Variants in DAPK2 observed in about 807,000 individuals in gnomAD.
DAPK2 encodes death associated protein kinase 2, also known as death-associated protein kinase 2.
Under a neutral mutation model 44.1 loss-of-function variants are expected in DAPK2, and 35 were observed. The ratio of observed to expected loss-of-function variants is 0.79; its 90% CI spans 0.61 to 1.05. The LOEUF is 1.05. DAPK2 is among the 50% of genes least tolerant of loss of function. DAPK2 has a pLI of 0.00. For synonymous variants in DAPK2, 174 were observed against 182.6 expected, an observed-to-expected ratio of 0.95 and a Z score of 0.38; for missense variants, 453 against 483.2, an observed-to-expected ratio of 0.94 and a Z score of 0.59.
intron 1 of DAPK2, among the ~76,000 whole-genome samples, chr15:64,030,265 G>A (rs2079974117): frequency 6.6e-6 from 1 of 152,156 alleles, no homozygotes; most frequent in South Asian, 2.1e-4. Context: ...TCCAGCCTGG[G>A]CAACAGAGCA....
Position 64,013,384 on chromosome 15 carries a change from T to C in DAPK2, c.92+26786A>G, listed in dbSNP as rs1162664695. On this transcript the variant is annotated intron_variant, in intron 1 of 10. Transcript: ENST00000261891. The surrounding 1 kb of genome is among the most constrained non-coding windows in gnomAD (Gnocchi z 4.7). ...TGGGCAGTCTTAAGAGGCCAGGAAC[T>C]AACAGCTTAAACTACACTACGTGCC... 6.6e-6 allele frequency among the ~76,000 whole-genome samples: 1 copy of C among 152,242 alleles called. No individual in the cohort carries two copies.
intron 1 of DAPK2, among the ~76,000 whole-genome samples, chr15:64,005,871 A>G (rs2079213392): frequency 6.6e-6 from 1 of 151,982 alleles, no homozygotes; most frequent in Admixed American, 6.6e-5. Flanking sequence ...TCTAAAAAGA[A>G]AAAAATTTTT....
At chr15:63,975,533 G>T (rs946436982) in intron 2 of DAPK2, among the ~76,000 whole-genome samples, 2 of 151,808 alleles carry the variant, frequency 1.3e-5, no homozygotes, top group Non-Finnish European at 2.9e-5. Context: ...ATAGAGTCAG[G>T]ATTCAAACCC....
chr15:64,036,307 G>GTATATATATATATATA (rs1233918566), intron 1 of DAPK2, among the ~76,000 whole-genome samples: 3 of 53,138 alleles, frequency 5.6e-5, no homozygotes, highest in Non-Finnish European at 5.3e-5. Context: ...GTGTGTGTGT[G>GTATATATATATATATA]TGTATATATA....
At position 63,990,007 on chromosome 15, in the gene DAPK2, A is replaced by G. The variant is rs913280408; in HGVS notation, c.93-6253T>C. On this transcript the variant is annotated intron_variant, in intron 1 of 10. Transcript: ENST00000261891. The surrounding 1 kb of genome is among the most constrained non-coding windows in gnomAD (Gnocchi z 4.3). ...GCGTCAGGCCTATTATTGGTTTTAA[A>G]TTCTCAAAAGGCAATATACCCCTTA... Among the ~76,000 whole-genome samples, 1 of 152,082 alleles carries G rather than the reference A, an allele frequency of 6.6e-6. No homozygotes were observed. Among genetic ancestry groups the G allele is most frequent in the Non-Finnish European group, 1.5e-5 (1 of 68,022 alleles).
chr15:64,027,175 G>A (rs2079871946), intron 1 of DAPK2, among the ~76,000 whole-genome samples: 1 of 152,136 alleles, frequency 6.6e-6, no homozygotes, highest in African/African-American at 2.4e-5. Flanking sequence ...CTGAGGTCAG[G>A]AATTCGAGAC....
At chr15:63,969,823 G>A (rs2078161886) in intron 3 of DAPK2, among the ~76,000 whole-genome samples, 1 of 152,116 alleles carries the variant, frequency 6.6e-6, no homozygotes, top group Non-Finnish European at 1.5e-5. Context: ...CTATCAGGCA[G>A]AGTAGAGTAA....
chr15:63,983,827 C>T (rs2140863859), intron 1 of DAPK2, 73 bp from the exon 3 acceptor site: 4 of 1,407,270 alleles, frequency 2.8e-6, no homozygotes, highest in Middle Eastern at 1.8e-4. Flanking sequence ...TGTCAGCTAC[C>T]AGGTCACACA....
At chr15:64,033,154 G>T (rs1223901384) in intron 1 of DAPK2, among the ~76,000 whole-genome samples, 1 of 151,828 alleles carries the variant, frequency 6.6e-6, no homozygotes, top group Admixed American at 6.6e-5. Flanking sequence ...CAGCTACTTG[G>T]AAGGCTGAGG....
Position 63,986,281 on chromosome 15 carries a change from G to C in DAPK2, c.93-2527C>G, listed in dbSNP as rs2078666206. Among the ~76,000 whole-genome samples, 6 of 152,250 alleles carry C rather than the reference G, an allele frequency of 3.9e-5. No homozygotes were observed. In the South Asian group the frequency reaches 1.2e-3, roughly 31 times the overall value. ...TGTCAAATGGGAATCAGGGTTCCCT[G>C]CTAGAGAATTGTGAAGACTGGAAAT... On this transcript the variant is annotated intron_variant, in intron 1 of 10. Coordinates refer to ENST00000261891, the Ensembl canonical transcript of DAPK2.
At chr15:63,914,707 A>G (rs750368107) in intron 8 of DAPK2, among the ~76,000 whole-genome samples, 3 of 152,114 alleles carry the variant, frequency 2.0e-5, no homozygotes, top group Non-Finnish European at 4.4e-5. Flanking sequence ...TTTGGCTCCC[A>G]TCGCACAGGT....
At chr15:64,005,668 C>T (rs1478344521) in intron 1 of DAPK2, among the ~76,000 whole-genome samples, 3 of 151,880 alleles carry the variant, frequency 2.0e-5, no homozygotes, top group Non-Finnish European at 4.4e-5. Context: ...ACTGTCTTGC[C>T]CACAAAGGAG....
intron 1 of DAPK2, among the ~76,000 whole-genome samples, chr15:63,993,762 C>A (rs930792712): frequency 3.3e-5 from 5 of 152,006 alleles, no homozygotes; most frequent in Non-Finnish European, 7.3e-5. Context: ...GTTTTCTCAT[C>A]CAAAAATGAA....
At chr15:63,997,358 C>T (rs1595872260) in intron 1 of DAPK2, among the ~76,000 whole-genome samples, 1 of 152,194 alleles carries the variant, frequency 6.6e-6, no homozygotes, top group African/African-American at 2.4e-5. Context: ...GACAGATTCT[C>T]GCTCTGTCAC....
intron 1 of DAPK2, among the ~76,000 whole-genome samples, chr15:64,025,852 G>A (rs914734454): frequency 1.3e-5 from 2 of 152,106 alleles, no homozygotes; most frequent in African/African-American, 4.8e-5. Flanking sequence ...TGGATATTGC[G>A]GGGGATGGAT....
chr15:63,983,739 G>C (rs138347092), exon 2 of DAPK2: 8 of 1,611,548 alleles, frequency 5.0e-6, no homozygotes, highest in African/African-American at 1.3e-5. Context: ...ACTTCTTCAC[G>C]ATGGCAAACT....
chr15:63,964,657 T>C (rs1357361314), intron 3 of DAPK2, among the ~76,000 whole-genome samples: 1 of 152,080 alleles, frequency 6.6e-6, no homozygotes, highest in Admixed American at 6.6e-5. Flanking sequence ...TTGTCTCCTC[T>C]GTGTATTTTC....
exon 1 of DAPK2, chr15:64,040,199 G>A (rs759941542): frequency 2.2e-5 from 36 of 1,613,820 alleles, no homozygotes; most frequent in African/African-American, 4.0e-5. Flanking sequence ...TGTCATAAAA[G>A]TCCTCCACCT....
In DAPK2 at chr15:63,984,890, CA is replaced by C. The variant is rs529631740; in HGVS notation, c.93-1137del. ...ATCTGAACCACTCCATCATTAGCATCATCCTCAGTGAGACAGTCTTCAAAAT... is the reference window on the plus strand; with the variant it reads ...ATCTGAACCACTCCATCATTAGCATCTCCTCAGTGAGACAGTCTTCAAAAT... On this transcript the variant is annotated intron_variant, in intron 1 of 10. Transcript: ENST00000261891. Among the ~76,000 whole-genome samples the C allele has an allele frequency of 1.5e-3, 233 of 152,302 alleles. 1 individual carries two copies. The highest frequency in any genetic ancestry group is 5.1e-3 in the African/African-American group (212 of 41,566).
Sources: gnomAD v4.1 joint callset for allele counts (sites outside exome capture counted in the v4.1 genomes callset) on GRCh38, gnomAD v4.1.1 for gene constraint, Gnocchi (gnomAD v3.1) non-coding constraint, MANE v1.5 for transcripts, NCBI Gene and HGNC (gene_info 2026-07-23, HGNC 2026-07-21) for gene names.